The following RNF111 variants were observed in gnomAD, a reference collection of about 807,000 sequenced individuals.
RNF111 encodes E3 ubiquitin-protein ligase Arkadia.
Under a neutral mutation model 95.1 loss-of-function variants are expected in RNF111, and 17 were observed. The observed-to-expected ratio is 0.18, with a 90% CI of 0.12 to 0.27. The LOEUF is 0.27. Ranked by LOEUF, RNF111 falls within the 10% of genes least tolerant of loss-of-function variation. RNF111 has a pLI of 1.00. For missense variants in RNF111, 1,189 were observed against 1,210.4 expected (o/e 0.98, Z 0.26); for synonymous variants, 440 against 414.8 (o/e 1.06, Z -0.74).
chr15:58,996,820 C>G (rs2141402784), intron 1 of RNF111, among the ~76,000 whole-genome samples: 1 of 151,894 alleles, frequency 6.6e-6, no homozygotes, highest in South Asian at 2.1e-4. Context: ...AAATTTTCAA[C>G]CAATTAATAT....
At chr15:59,002,873 C>G (rs139013961) in intron 1 of RNF111, among the ~76,000 whole-genome samples, 1 of 152,158 alleles carries the variant, frequency 6.6e-6, no homozygotes, top group African/African-American at 2.4e-5. Flanking sequence ...TACTCTTCCT[C>G]TAGAATTGTG....
At chr15:59,029,840 C>T (rs765139820) in intron 1 of RNF111, among the ~76,000 whole-genome samples, 4 of 152,084 alleles carry the variant, frequency 2.6e-5, no homozygotes, top group African/African-American at 7.2e-5. Context: ...AGTGTTCATT[C>T]ATCTATAAAC....
At position 59,048,383 on chromosome 15, in the gene RNF111, T is replaced by C. The variant is rs568262529; in HGVS notation, c.881-3922T>C. Among the ~76,000 whole-genome samples the C allele has an allele frequency of 5.3e-5, 8 of 152,340 alleles. No homozygotes were observed. The South Asian group carries it at 1.2e-3, about 24-fold the overall frequency. On this transcript the variant is annotated intron_variant, in intron 2 of 13. Transcript: ENST00000348370. ...TGTGACTCCACTTAACATAAAACTT[T>C]ACAAAATCCAAACCAATTCATAATG...
At chr15:59,028,766 G>A (rs1330969392) in intron 1 of RNF111, among the ~76,000 whole-genome samples, 8 of 129,198 alleles carry the variant, frequency 6.2e-5, no homozygotes, top group African/African-American at 2.3e-4. Context: ...AGGTCACATA[G>A]CAATTTTGTG....
chr15:59,043,793 TAGC>T, intron 2 of RNF111, among the ~76,000 whole-genome samples: 1 of 152,320 alleles, frequency 6.6e-6, no homozygotes, highest in Non-Finnish European at 1.5e-5. Flanking sequence ...AAGCATCTGG[TAGC>T]AGGAAAATGC....
chr15:59,021,753 A>G (rs1215223313), intron 1 of RNF111, among the ~76,000 whole-genome samples: 1 of 152,168 alleles, frequency 6.6e-6, no homozygotes, highest in Non-Finnish European at 1.5e-5. Context: ...ATCACTGTTC[A>G]CTGTTTATCA....
intron 1 of RNF111, among the ~76,000 whole-genome samples, chr15:59,013,710 G>A (rs2039934506): frequency 6.6e-6 from 1 of 152,188 alleles, no homozygotes; most frequent in African/African-American, 2.4e-5. Flanking sequence ...TCCTGAACGA[G>A]GGAGTGTCCA....
intron 1 of RNF111, among the ~76,000 whole-genome samples, chr15:58,995,271 TC>T (rs1485701074): frequency 1.3e-5 from 2 of 152,366 alleles, no homozygotes; most frequent in African/African-American, 4.8e-5. Context: ...TCATCCATTT[TC>T]TTCACTAATG....
At chr15:59,066,646 A>C (rs62002543) in intron 5 of RNF111, 118 bp from the exon 6 acceptor site, 210,905 of 828,102 alleles carry the variant, frequency 0.25, 28,060 homozygotes, top group East Asian at 0.41. Flanking sequence ...CATTATTTAC[A>C]GAGATTTGAA....
At chr15:59,082,218 A>G (rs1340973495) in intron 8 of RNF111, among the ~76,000 whole-genome samples, 3 of 152,232 alleles carry the variant, frequency 2.0e-5, no homozygotes, top group African/African-American at 7.2e-5. Context: ...ATTTAGTAAA[A>G]TCTGACCAGT....
chr15:59,089,578 A>C, intron 10 of RNF111, 89 bp from the exon 11 acceptor site: 12 of 995,280 alleles, frequency 1.2e-5, no homozygotes, highest in Non-Finnish European at 1.7e-5. Flanking sequence ...TGAATTGAAA[A>C]CATTGAGGGT....
intron 4 of RNF111, among the ~76,000 whole-genome samples, chr15:59,057,270 T>C (rs766614000): frequency 6.6e-6 from 1 of 152,202 alleles, no homozygotes; most frequent in Non-Finnish European, 1.5e-5. Context: ...ATTGCCAAGG[T>C]TGAGAAACCC....
intron 5 of RNF111, among the ~76,000 whole-genome samples, chr15:59,059,765 C>G (rs1390250639): frequency 6.6e-6 from 1 of 152,166 alleles, no homozygotes; most frequent in African/African-American, 2.4e-5. Context: ...CTTAAACTAA[C>G]TTTCTTTCAT....
chr15:58,992,855 A>G (rs1182663415), intron 1 of RNF111, among the ~76,000 whole-genome samples: 3 of 151,990 alleles, frequency 2.0e-5, no homozygotes, highest in Non-Finnish European at 4.4e-5. Context: ...ATAAAATAAT[A>G]TATTTTTGAA....
intron 1 of RNF111, among the ~76,000 whole-genome samples, chr15:58,994,935 A>G (rs1386696774): frequency 6.6e-6 from 1 of 152,212 alleles, no homozygotes; most frequent in Non-Finnish European, 1.5e-5. Flanking sequence ...ATTAATCTAC[A>G]GCTCATTTTC....
intron 6 of RNF111, 124 bp from the exon 7 acceptor site, chr15:59,075,830 C>A: frequency 1.9e-6 from 2 of 1,045,006 alleles, no homozygotes; most frequent in Non-Finnish European, 2.7e-6. Context: ...TACTAAGAAT[C>A]TTCCTGGTTT....
At chr15:59,078,116 A>G (rs185785492) in intron 7 of RNF111, among the ~76,000 whole-genome samples, 1 of 152,286 alleles carries the variant, frequency 6.6e-6, no homozygotes, top group African/African-American at 2.4e-5. Context: ...GACTTTGGAT[A>G]AGTTATTTAA....
chr15:59,000,206 C>T (rs1401253813), intron 1 of RNF111, among the ~76,000 whole-genome samples: 1 of 149,010 alleles, frequency 6.7e-6, no homozygotes, highest in Non-Finnish European at 1.5e-5. Context: ...CTCTGTTACC[C>T]AGGCTAGAGT....
rs551247308 is a variant in RNF111, at chr15:59,067,527, C to T, written c.1686+444C>T. Reference sequence around the variant, plus strand: ...ACTAAATTAATCACATTCTTACACTCGAAAATGGCCTAATTTAGTGGTCTG... The same window carrying T: ...ACTAAATTAATCACATTCTTACACTTGAAAATGGCCTAATTTAGTGGTCTG... On this transcript the variant is annotated intron_variant, in intron 6 of 13. Coordinates refer to ENST00000348370, the MANE Select transcript of RNF111 (RefSeq NM_017610.8). 1.9e-4 allele frequency among the ~76,000 whole-genome samples: 29 copies of T among 152,220 alleles called. No homozygotes were observed. In the East Asian group the frequency reaches 4.1e-3, roughly 21 times the overall value.
Sources: gnomAD v4.1 joint callset for allele counts (sites outside exome capture counted in the v4.1 genomes callset) on GRCh38, gnomAD v4.1.1 for gene constraint, MANE v1.5 for transcripts, NCBI Gene and HGNC (gene_info 2026-07-23, HGNC 2026-07-21) for gene names.